The following TP63 variants were observed in gnomAD, a reference collection of about 807,000 sequenced individuals.
The protein encoded by TP63 is tumor protein 63.
TP63 carries 17 observed loss-of-function variants against 82.8 expected under a neutral mutation model. The observed-to-expected ratio is 0.21, with a 90% CI of 0.14 to 0.31. TP63 has a LOEUF of 0.31. Ranked by LOEUF, TP63 falls within the 10% of genes least tolerant of loss-of-function variation. TP63 has a pLI of 1.00. For missense variants in TP63, 648 were observed against 895.3 expected (o/e 0.72, Z 3.52); for synonymous variants, 330 against 321.7 (o/e 1.03, Z -0.28).
chr3:189,863,576 G>A (rs376274995), intron 4 of TP63, among the ~76,000 whole-genome samples: 4 of 152,088 alleles, frequency 2.6e-5, no homozygotes, highest in Non-Finnish European at 4.4e-5. Context: ...GCTACATCAG[G>A]CCCGGTGTTT....
At chr3:189,663,307 T>G (rs1173535972) in intron 1 of TP63, among the ~76,000 whole-genome samples, 1 of 152,076 alleles carries the variant, frequency 6.6e-6, no homozygotes, top group Non-Finnish European at 1.5e-5. Flanking sequence ...ATGGAGTCCT[T>G]ACCATTTAAG....
rs1410537784 is a variant in TP63, at chr3:189,808,641, AT to A, written c.579+118del. On this transcript the variant is annotated intron_variant, in intron 4 of 13. Transcript: ENST00000264731. ...AGCGATTCCATGTTCATGGTGGAAA[AT>A]TTGTCTTTGAATATTTAATACTGAA... The A allele has an allele frequency of 7.1e-5, 112 of 1,580,808 alleles. 1 individual carries two copies. In the East Asian group the frequency reaches 2.5e-3, roughly 35 times the overall value.
intron 3 of TP63, among the ~76,000 whole-genome samples, chr3:189,772,755 C>T (rs920158750): frequency 7.9e-5 from 12 of 152,180 alleles, no homozygotes; most frequent in Non-Finnish European, 1.5e-4. Flanking sequence ...TAGTCTTGCA[C>T]GAGTCTGCTG....
chr3:189,765,433 C>CTTTTTTTTT (rs576530590), intron 3 of TP63, among the ~76,000 whole-genome samples: 734 of 30,048 alleles, frequency 0.024, 307 homozygotes, highest in African/African-American at 0.084. Flanking sequence ...CTGTCCTCTG[C>CTTTTTTTTT]TTTTTTTTTT....
At position 189,868,809 on chromosome 3, in the gene TP63, T is replaced by G; in HGVS notation, c.1129+93T>G. 1.9e-6 allele frequency: 3 copies of G among 1,600,822 alleles called. No individual in the cohort carries two copies. The South Asian group carries it at 3.3e-5, about 18-fold the overall frequency. ...ATTGGAGAAGCTGCATGATAAGACC[T>G]GTGACCTTCAGCAGCAAGTGGGACG... On this transcript the variant is annotated intron_variant, in intron 8 of 13. Coordinates refer to ENST00000264731, the MANE Select transcript of TP63 (RefSeq NM_003722.5).
chr3:189,606,505 ATTTTTTTT>A, the TP63 span, among the ~76,000 whole-genome samples: 2 of 67,272 alleles, frequency 3.0e-5, no homozygotes, highest in Non-Finnish European at 5.4e-5. Flanking sequence ...TAAGATGGCC[ATTTTTTTT>A]TTTTTTTTTT....
intron 1 of TP63, among the ~76,000 whole-genome samples, chr3:189,658,772 T>A (rs1260114508): frequency 6.6e-6 from 1 of 152,004 alleles, no homozygotes; most frequent in Non-Finnish European, 1.5e-5. Context: ...GTATCCTGTA[T>A]GGAATTTAGG....
intron 5 of TP63, among the ~76,000 whole-genome samples, chr3:189,865,924 C>G (rs1717668966): frequency 6.6e-6 from 1 of 152,190 alleles, no homozygotes; most frequent in Non-Finnish European, 1.5e-5. Context: ...GATGATGCAG[C>G]AGAGAACATT....
At chr3:189,726,468 G>T (rs994828579) in intron 1 of TP63, among the ~76,000 whole-genome samples, 1 of 152,154 alleles carries the variant, frequency 6.6e-6, no homozygotes, top group African/African-American at 2.4e-5. Flanking sequence ...ATGTGTGAAA[G>T]TGATTTTGTA....
At chr3:189,732,367 A>G (rs1720235473) in intron 1 of TP63, among the ~76,000 whole-genome samples, 1 of 152,188 alleles carries the variant, frequency 6.6e-6, no homozygotes, top group African/African-American at 2.4e-5. Context: ...CTAGAAGAAA[A>G]TGAGTGGTGA....
rs1721399837 is a variant in TP63 at position 189,895,470 on chromosome 3, C to G, written c.*968C>G. 1 of 219,122 alleles carries G rather than the reference C, an allele frequency of 4.6e-6. No individual in the cohort carries two copies. The highest frequency in any genetic ancestry group is 9.1e-6 in the Non-Finnish European group (1 of 109,332). The allele number at this position is 219,122 out of a possible 1,614,324, so 13.6% of individuals were successfully genotyped here. On this transcript the variant is annotated 3_prime_UTR_variant, in exon 14 of 14. Coordinates refer to ENST00000264731, the MANE Select transcript of TP63 (RefSeq NM_003722.5). ...AATTTCACTACTAGATTGACTAACT[C>G]AAATACACATTTGCTACTGTTGTAA...
chr3:189,851,298 C>T (rs1482264040), intron 4 of TP63, among the ~76,000 whole-genome samples: 1 of 152,218 alleles, frequency 6.6e-6, no homozygotes, highest in African/African-American at 2.4e-5. Context: ...GTGGCTCACA[C>T]TCGTAATCCC....
chr3:189,881,415 G>A, intron 10 of TP63: 2 of 985,322 alleles, frequency 2.0e-6, no homozygotes, highest in Non-Finnish European at 2.4e-6. Context: ...CTGTCACCAA[G>A]ACAATGATTT....
rs188245060 is a variant in TP63, at chr3:189,735,448, G to C, written c.63-2292G>C. ...TTATCATCTCTCTTTCTTCAAGCCA[G>C]ATCCTCCAACTATACTTACTGATGT... On this transcript the variant is annotated intron_variant, in intron 1 of 13. Coordinates refer to ENST00000264731, the MANE Select transcript of TP63 (RefSeq NM_003722.5). Among the ~76,000 whole-genome samples, 64 of 152,280 alleles carry C rather than the reference G, an allele frequency of 4.2e-4. No individual in the cohort carries two copies. In the Middle Eastern group the frequency reaches 0.024, roughly 57 times the overall value.
At chr3:189,605,750 A>G in the TP63 span, among the ~76,000 whole-genome samples, 3 of 152,188 alleles carry the variant, frequency 2.0e-5, no homozygotes, top group Non-Finnish European at 4.4e-5. Context: ...AATTTTTTTT[A>G]GTTTAGATCC....
rs1056851960 is a variant in TP63 at position 189,869,192 on chromosome 3, G to A, written c.1130-132G>A. On this transcript the variant is annotated intron_variant, in intron 8 of 13. Transcript: ENST00000264731. ...TAGAGCCTCTAATCTTACATGTGTT[G>A]CTGGTACTACTGTCTTTTTAATATG... 9 of 737,768 alleles carry A rather than the reference G, an allele frequency of 1.2e-5. No individual in the cohort carries two copies. In the South Asian group the frequency reaches 1.4e-4, roughly 12 times the overall value. 45.7% of individuals were successfully genotyped at this position (737,768 alleles called of 1,614,324 possible).
At chr3:189,773,605 T>A (rs1011075633) in intron 3 of TP63, among the ~76,000 whole-genome samples, 9 of 152,224 alleles carry the variant, frequency 5.9e-5, no homozygotes, top group African/African-American at 2.2e-4. Context: ...GCCACATTAT[T>A]TTTTTAGGTA....
intron 4 of TP63, 132 bp from the exon 5 acceptor site, chr3:189,864,100 T>C (rs1717391043): frequency 9.0e-7 from 1 of 1,113,888 alleles, no homozygotes; most frequent in Non-Finnish European, 1.4e-6. Context: ...GTCACATCTA[T>C]AGTAGCCAGT....
chr3:189,709,005 T>C (rs901525400), intron 1 of TP63, among the ~76,000 whole-genome samples: 2 of 152,218 alleles, frequency 1.3e-5, no homozygotes, highest in Admixed American at 6.5e-5. Flanking sequence ...TATTTTACTG[T>C]GGTATATCTC....
Sources: gnomAD v4.1 joint callset for allele counts (sites outside exome capture counted in the v4.1 genomes callset) on GRCh38, gnomAD v4.1.1 for gene constraint, MANE v1.5 for transcripts, NCBI Gene and HGNC (gene_info 2026-07-23, HGNC 2026-07-21) for gene names.